Variants in SIDT1 observed in about 807,000 individuals in gnomAD.
The protein encoded by SIDT1 is SID1 transmembrane family, member 1.
Under a neutral mutation model 107.5 loss-of-function variants are expected in SIDT1, and 101 were observed. The ratio of observed to expected loss-of-function variants is 0.94; its 90% CI spans 0.80 to 1.11. The LOEUF (loss-of-function observed/expected upper bound fraction) is 1.11. Among genes scored for constraint, SIDT1 ranks in the 50% least tolerant of loss-of-function variants. The probability of loss-of-function intolerance (pLI) is 0.00; values close to 1 mark genes in which losing one functional copy is unlikely to be tolerated. For synonymous variants in SIDT1, 395 were observed against 398.2 expected (o/e 0.99, Z 0.10); for missense variants, 1,076 against 1,058.2 (o/e 1.02, Z -0.23).
At position 113,623,697 on chromosome 3, in the gene SIDT1, C is replaced by G; in HGVS notation, c.2271C>G (p.Ala757=). ...CCACCGCTGTGATGTGGGCTGCCGC[C>G]CTATATTTTTTCTTCCAGAATCTCA... ...IVATAVMWAA[A]LYFFFQNLSS... is the part of the protein sequence containing the mutation. The change falls in exon 23 of 25, where the codon GCC becomes GCG. Residue 757 remains alanine (A), a synonymous_variant. Transcript: ENST00000264852. 6.2e-7 allele frequency: 1 copy of G among 1,614,078 alleles called. No individual in the cohort carries two copies. Among genetic ancestry groups the G allele is most frequent in the Non-Finnish European group, 8.5e-7 (1 of 1,179,980 alleles).
At chr3:113,622,233 G>A (rs1162841239) in intron 21 of SIDT1, among the ~76,000 whole-genome samples, 2 of 152,052 alleles carry the variant, frequency 1.3e-5, no homozygotes, top group Non-Finnish European at 2.9e-5. Context: ...GGGAGGCCGA[G>A]GCAGGTGGAT....
At chr3:113,552,812 C>T (rs1427295866) in intron 1 of SIDT1, among the ~76,000 whole-genome samples, 4 of 152,240 alleles carry the variant, frequency 2.6e-5, no homozygotes, top group Non-Finnish European at 5.9e-5. Context: ...AGCACAGGTC[C>T]TGTATCCGGC....
intron 1 of SIDT1, among the ~76,000 whole-genome samples, chr3:113,549,759 T>C (rs1460655324): frequency 1.3e-5 from 2 of 152,188 alleles, no homozygotes; most frequent in African/African-American, 4.8e-5. Flanking sequence ...TAAACAATCA[T>C]ATTAATTTTT....
At chr3:113,536,126 G>A (rs905252150) in intron 1 of SIDT1, among the ~76,000 whole-genome samples, 2 of 152,158 alleles carry the variant, frequency 1.3e-5, no homozygotes, top group Admixed American at 6.5e-5. Context: ...AGATAGCGAC[G>A]CTCTCTTTCA....
At chr3:113,607,991 G>A in intron 15 of SIDT1, 103 bp from the exon 16 acceptor site, 1 of 1,303,430 alleles carries the variant, frequency 7.7e-7, no homozygotes, top group South Asian at 2.1e-5. Flanking sequence ...AAGGTTAATG[G>A]AAAACATTCA....
chr3:113,611,900 G>C (rs1459071135), intron 18 of SIDT1, among the ~76,000 whole-genome samples, 186 bp from the exon 19 acceptor site: 1 of 141,562 alleles, frequency 7.1e-6, no homozygotes, highest in Non-Finnish European at 1.5e-5. Flanking sequence ...TTTTCATTTG[G>C]CCCAGTAGCC....
chr3:113,547,036 G>A (rs1177841304), intron 1 of SIDT1, among the ~76,000 whole-genome samples: 6 of 152,100 alleles, frequency 3.9e-5, no homozygotes, highest in African/African-American at 1.4e-4. Flanking sequence ...GGATCTGCCA[G>A]ATGATATAAT....
chr3:113,550,447 T>C (rs1486140749), intron 1 of SIDT1, among the ~76,000 whole-genome samples: 1 of 152,216 alleles, frequency 6.6e-6, no homozygotes, highest in East Asian at 1.9e-4. Context: ...GTGGTGGAAA[T>C]CTGTCTTCCA....
chr3:113,600,083 G>A (rs746544551), intron 10 of SIDT1, among the ~76,000 whole-genome samples: 2 of 152,122 alleles, frequency 1.3e-5, no homozygotes, highest in Non-Finnish European at 2.9e-5. Context: ...GCCAAGGCAA[G>A]CTGATCACTT....
At chr3:113,603,741 G>T (rs1386365939) in intron 12 of SIDT1, among the ~76,000 whole-genome samples, 4 of 151,800 alleles carry the variant, frequency 2.6e-5, no homozygotes, top group Admixed American at 2.6e-4. Flanking sequence ...TTTTTATTAA[G>T]GTATCATGGG....
intron 4 of SIDT1, among the ~76,000 whole-genome samples, chr3:113,578,386 G>C (rs1015246815): frequency 6.6e-6 from 1 of 151,290 alleles, no homozygotes; most frequent in Non-Finnish European, 1.5e-5. Context: ...AGAATGGCGT[G>C]AACCCGGGAG....
At chr3:113,541,925 C>CTTT (rs34308658) in intron 1 of SIDT1, among the ~76,000 whole-genome samples, 1 of 128,214 alleles carries the variant, frequency 7.8e-6, no homozygotes, top group Middle Eastern at 4.0e-3. Context: ...CTTTTTCTTT[C>CTTT]TTTTTTTTTT....
chr3:113,533,657 GA>G (rs1937740509), intron 1 of SIDT1, among the ~76,000 whole-genome samples: 1 of 152,216 alleles, frequency 6.6e-6, no homozygotes, highest in African/African-American at 2.4e-5. Context: ...GATTCAGCCA[GA>G]CCCTTCTATT....
intron 4 of SIDT1, among the ~76,000 whole-genome samples, chr3:113,577,284 GCA>G (rs987389689): frequency 2.0e-5 from 3 of 152,014 alleles, no homozygotes; most frequent in Non-Finnish European, 4.4e-5. Context: ...GGTGCTGGAG[GCA>G]CAAAGGTTAA....
At chr3:113,589,167 A>G (rs1943960351) in intron 9 of SIDT1, among the ~76,000 whole-genome samples, 1 of 152,236 alleles carries the variant, frequency 6.6e-6, no homozygotes, top group South Asian at 2.1e-4. Flanking sequence ...AGATTCAGGA[A>G]ATGAAGATGT....
At chr3:113,573,688 GA>G (rs1321649337) in intron 3 of SIDT1, among the ~76,000 whole-genome samples, 8 of 152,228 alleles carry the variant, frequency 5.3e-5, no homozygotes, top group Non-Finnish European at 7.4e-5. Context: ...CTTTATGAAA[GA>G]GTCCCCAGAA....
In SIDT1 at chr3:113,584,774, G is replaced by A. The variant is rs1404305866; in HGVS notation, c.907+5G>A. On this transcript the variant is annotated splice_donor_5th_base_variant and intron_variant, in intron 8 of 24. Coordinates refer to ENST00000264852, the MANE Select transcript of SIDT1 (RefSeq NM_017699.3). ...CCATTGTCCCTTCCATTAAAGGTCA[G>A]TGTTGGCTCCAGAATGCATTGAAGA... 2 of 1,577,100 alleles carry A rather than the reference G, an allele frequency of 1.3e-6. No homozygotes were observed. The highest frequency in any genetic ancestry group is 1.2e-5 in the South Asian group (1 of 84,188).
At chr3:113,561,745 G>A (rs1353094789) in intron 1 of SIDT1, among the ~76,000 whole-genome samples, 2 of 152,160 alleles carry the variant, frequency 1.3e-5, no homozygotes, top group Admixed American at 6.5e-5. Flanking sequence ...AGTCAGAAAC[G>A]CTGGGGGTTG....
At chr3:113,610,802 G>A (rs956676535) in intron 17 of SIDT1, among the ~76,000 whole-genome samples, 2 of 152,190 alleles carry the variant, frequency 1.3e-5, no homozygotes, top group Admixed American at 1.3e-4. Flanking sequence ...GGCAGCCTTA[G>A]AGAGGTTTAG....
Sources: gnomAD v4.1 joint callset for allele counts (sites outside exome capture counted in the v4.1 genomes callset) on GRCh38, gnomAD v4.1.1 for gene constraint, MANE v1.5 for transcripts, NCBI Gene and HGNC (gene_info 2026-07-23, HGNC 2026-07-21) for gene names.